The following NAALADL2 variants were observed in gnomAD, a reference collection of about 807,000 sequenced individuals.
The protein encoded by NAALADL2 is N-acetylated alpha-linked acidic dipeptidase like 2.
NAALADL2 carries 76 observed loss-of-function variants against 87.2 expected under a neutral mutation model. The observed-to-expected ratio is 0.87, with a 90% CI of 0.72 to 1.05. NAALADL2 has a LOEUF of 1.05. NAALADL2 is among the 50% of genes least tolerant of loss of function. The pLI is 0.00. For missense variants in NAALADL2, 1,089 were observed against 945.8 expected, an observed-to-expected ratio of 1.15 and a Z score of -1.99; for synonymous variants, 354 against 331.0, an observed-to-expected ratio of 1.07 and a Z score of -0.75.
chr3:175,324,052 AAAAGAAAAAG>A, intron 4 of NAALADL2, 113 bp from the exon 5 acceptor site: 1 of 754,344 alleles, frequency 1.3e-6, no homozygotes, highest in Non-Finnish European at 2.1e-6. Flanking sequence ...AAGAAAAAGA[AAAAGAAAAAG>A]AAAAAAAAAC....
chr3:175,305,511 A>ATCTTTT (rs1303931012), intron 4 of NAALADL2, among the ~76,000 whole-genome samples: 1 of 151,628 alleles, frequency 6.6e-6, no homozygotes, highest in South Asian at 2.1e-4. Flanking sequence ...CACATTCTTT[A>ATCTTTT]TCTTTTTCTT....
At chr3:175,252,498 C>G (rs1028580599) in intron 3 of NAALADL2, among the ~76,000 whole-genome samples, 4 of 152,134 alleles carry the variant, frequency 2.6e-5, no homozygotes, top group Non-Finnish European at 5.9e-5. Context: ...TCTCCTGGGC[C>G]TCCCTCTCCT....
At chr3:175,023,573 A>G (rs557106642) in intron 1 of NAALADL2, among the ~76,000 whole-genome samples, 22 of 152,214 alleles carry the variant, frequency 1.4e-4, no homozygotes, top group African/African-American at 4.8e-4. Context: ...TCGAGGGGCT[A>G]TGAAAAAAAT....
intron 13 of NAALADL2, among the ~76,000 whole-genome samples, chr3:175,768,827 G>A (rs1207535304): frequency 1.3e-5 from 2 of 150,140 alleles, no homozygotes; most frequent in Non-Finnish European, 2.9e-5. Flanking sequence ...ACTCCAGCCT[G>A]GGTGATAGAA....
At chr3:175,171,495 A>G (rs1299048424) in intron 2 of NAALADL2, among the ~76,000 whole-genome samples, 1 of 152,104 alleles carries the variant, frequency 6.6e-6, no homozygotes, top group Non-Finnish European at 1.5e-5. Context: ...ATAATTAGAA[A>G]CATAATACCA....
At chr3:175,258,535 T>C (rs993294342) in intron 4 of NAALADL2, among the ~76,000 whole-genome samples, 7 of 152,128 alleles carry the variant, frequency 4.6e-5, no homozygotes, top group African/African-American at 1.7e-4. Flanking sequence ...ATTTCAAAGT[T>C]AGCTACCAAG....
chr3:175,577,628 A>G lies in NAALADL2; in HGVS notation c.1800+1441A>G, dbSNP rs139807300. On this transcript the variant is annotated intron_variant, in intron 10 of 13. Coordinates refer to ENST00000454872, the MANE Select transcript of NAALADL2 (RefSeq NM_207015.3). ...TGAAGGATCCAATCGTTTTCAAATT[A>G]TACCCAGAATATCTAACTCCCACCA... 5.4e-3 allele frequency among the ~76,000 whole-genome samples: 819 copies of G among 152,312 alleles called. 7 individuals are homozygous for G. The highest frequency in any genetic ancestry group is 0.019 in the African/African-American group (771 of 41,578).
At chr3:174,896,071 C>T (rs965785479) in intron 1 of NAALADL2, among the ~76,000 whole-genome samples, 1 of 152,000 alleles carries the variant, frequency 6.6e-6, no homozygotes, top group African/African-American at 2.4e-5. Flanking sequence ...ATATGACAGA[C>T]CCACAGCTAG....
At chr3:175,163,611 T>G (rs1159785492) in intron 2 of NAALADL2, among the ~76,000 whole-genome samples, 1 of 152,078 alleles carries the variant, frequency 6.6e-6, no homozygotes, top group Non-Finnish European at 1.5e-5. Context: ...TATTTGTCTA[T>G]TACCATAACA....
chr3:175,306,168 A>G (rs754999254), intron 4 of NAALADL2, among the ~76,000 whole-genome samples: 30 of 152,014 alleles, frequency 2.0e-4, no homozygotes, highest in Non-Finnish European at 3.4e-4. Flanking sequence ...TTCTGATTTT[A>G]TGTGCCCATC....
chr3:175,090,393 A>G (rs1286472850), intron 1 of NAALADL2, among the ~76,000 whole-genome samples: 1 of 151,910 alleles, frequency 6.6e-6, no homozygotes, highest in Non-Finnish European at 1.5e-5. Context: ...AAACTTTACC[A>G]TAAATATAGG....
intron 1 of NAALADL2, among the ~76,000 whole-genome samples, chr3:175,036,435 T>C (rs2108942475): frequency 6.6e-6 from 1 of 152,130 alleles, no homozygotes; most frequent in South Asian, 2.1e-4. Context: ...AGTCTCGCTC[T>C]GTCACCCAGG....
At chr3:175,624,283 A>G (rs1178322231) in intron 10 of NAALADL2, among the ~76,000 whole-genome samples, 1 of 152,052 alleles carries the variant, frequency 6.6e-6, no homozygotes, top group Non-Finnish European at 1.5e-5. Context: ...CAAACTTTCC[A>G]GAGTTCCTCC....
intron 1 of NAALADL2, among the ~76,000 whole-genome samples, chr3:174,481,874 G>A (rs559678822): frequency 2.6e-5 from 4 of 152,112 alleles, no homozygotes; most frequent in East Asian, 1.9e-4. Context: ...GGTTTTTATT[G>A]GGGGCTGGTC....
At chr3:174,920,047 G>C (rs1410504630) in intron 1 of NAALADL2, among the ~76,000 whole-genome samples, 1 of 152,174 alleles carries the variant, frequency 6.6e-6, no homozygotes, top group Non-Finnish European at 1.5e-5. Flanking sequence ...AAACATGTAT[G>C]CTATCATTCA....
chr3:175,300,920 C>A (rs1757006249), intron 4 of NAALADL2, among the ~76,000 whole-genome samples: 1 of 151,566 alleles, frequency 6.6e-6, no homozygotes, highest in African/African-American at 2.4e-5. Flanking sequence ...TTTTATATTT[C>A]TAGTAGAGAT....
chr3:174,980,083 C>A (rs546676240), intron 1 of NAALADL2, among the ~76,000 whole-genome samples: 1 of 152,282 alleles, frequency 6.6e-6, no homozygotes, highest in East Asian at 1.9e-4. Context: ...CACCTTTTCA[C>A]CTCTTTCTCC....
chr3:175,305,082 G>A (rs369750366), intron 4 of NAALADL2, among the ~76,000 whole-genome samples: 22 of 151,890 alleles, frequency 1.4e-4, no homozygotes, highest in East Asian at 1.3e-3. Flanking sequence ...TTGAGAATCA[G>A]TTAATTTTGT....
intron 2 of NAALADL2, among the ~76,000 whole-genome samples, chr3:174,561,815 T>C (rs1446407749): frequency 1.3e-5 from 2 of 152,200 alleles, no homozygotes; most frequent in Non-Finnish European, 2.9e-5. Flanking sequence ...TATGATGCTG[T>C]CACATTATTT....
Sources: gnomAD v4.1 joint callset for allele counts (sites outside exome capture counted in the v4.1 genomes callset) on GRCh38, gnomAD v4.1.1 for gene constraint, MANE v1.5 for transcripts, NCBI Gene and HGNC (gene_info 2026-07-23, HGNC 2026-07-21) for gene names.